CHD7: variants seen among roughly 807,000 people sequenced by gnomAD.
CHD7 encodes the protein chromodomain helicase DNA binding protein 7.
A neutral mutation model predicts 307.3 loss-of-function variants in CHD7; 24 were observed. The observed-to-expected ratio is 0.08, with a 90% CI of 0.06 to 0.11. The LOEUF (loss-of-function observed/expected upper bound fraction) is 0.11, where lower values mean the gene tolerates loss of function less well. Among genes scored for constraint, CHD7 ranks in the 10% least tolerant of loss-of-function variants. CHD7 has a pLI of 1.00. For missense variants in CHD7, 3,106 were observed against 3,727.1 expected (o/e 0.83, Z 4.34); for synonymous variants, 1,363 against 1,349.9 (o/e 1.01, Z -0.21).
At chr8:60,817,849 C>T (rs1446435567) in intron 8 of CHD7, among the ~76,000 whole-genome samples, 1 of 152,160 alleles carries the variant, frequency 6.6e-6, no homozygotes, top group African/African-American at 2.4e-5. Context: ...CTGTGTTCTG[C>T]TGACCTTTTC....
intron 7 of CHD7, chr8:60,808,683 TG>T (rs1812650539): frequency 1.2e-5 from 2 of 161,550 alleles, no homozygotes; most frequent in African/African-American, 4.8e-5. Context: ...TAGAGAACCA[TG>T]ACATCACTCA....
At chr8:60,722,628 A>C (rs1052670034) in intron 1 of CHD7, among the ~76,000 whole-genome samples, 3 of 152,250 alleles carry the variant, frequency 2.0e-5, no homozygotes, top group African/African-American at 7.2e-5. Flanking sequence ...ATCCAGTACA[A>C]GTTAATATAA....
intron 1 of CHD7, among the ~76,000 whole-genome samples, chr8:60,700,251 T>G (rs1180548588): frequency 6.6e-6 from 1 of 152,212 alleles, no homozygotes; most frequent in Non-Finnish European, 1.5e-5. Flanking sequence ...TGCCTTAGGC[T>G]CTTTCTAACC....
chr8:60,681,539 G>A (rs998442606), intron 1 of CHD7, among the ~76,000 whole-genome samples: 3 of 152,170 alleles, frequency 2.0e-5, no homozygotes, highest in Non-Finnish European at 4.4e-5. Flanking sequence ...TATTTTCCCT[G>A]AAAAATCTGT....
chr8:60,742,482 T>G lies in CHD7; in HGVS notation c.1050T>G (p.Ala350=). ...AGTCCGTACCAAGATACCCCAATGC[T>G]GTAGGATTCCCATCAAACAGTGGTC... The part of the protein sequence containing the change: ...MNQSVPRYPN[A]VGFPSNSGQG... The change falls in exon 2 of 38, where the codon GCT becomes GCG. Residue 350 remains alanine (A), a synonymous_variant. Transcript: ENST00000423902. 6.2e-7 allele frequency: 1 copy of G among 1,613,984 alleles called. No homozygotes were observed. Among genetic ancestry groups the G allele is most frequent in the Non-Finnish European group, 8.5e-7 (1 of 1,179,876 alleles).
At chr8:60,736,795 A>T (rs1019953045) in intron 1 of CHD7, among the ~76,000 whole-genome samples, 2 of 152,210 alleles carry the variant, frequency 1.3e-5, no homozygotes, top group Non-Finnish European at 2.9e-5. Context: ...GCTATAGGAG[A>T]TACTTTGCAT....
At chr8:60,806,878 C>T (rs569548541) in intron 6 of CHD7, among the ~76,000 whole-genome samples, 8 of 151,984 alleles carry the variant, frequency 5.3e-5, no homozygotes, top group South Asian at 4.2e-4. Context: ...GATGTGTGCC[C>T]GTAGTCCCAG....
intron 2 of CHD7, among the ~76,000 whole-genome samples, chr8:60,760,822 A>G (rs1295595897): frequency 2.6e-5 from 4 of 152,188 alleles, no homozygotes; most frequent in Non-Finnish European, 2.9e-5. Context: ...TAGAATGGCA[A>G]TCATTAAAAA....
chr8:60,861,038 G>T lies in CHD7; in HGVS notation c.7743G>T (p.Val2581=). ...VINLEDGTRL[V]GEDAPKNKDL... Reference sequence around the variant, plus strand: ...ATCTTGAAGATGGGACTAGGCTGGTGGGGGAAGATGCTCCTAAAAATAAGG... The same window carrying T: ...ATCTTGAAGATGGGACTAGGCTGGTTGGGGAAGATGCTCCTAAAAATAAGG... The change falls in exon 35 of 38, where the codon GTG becomes GTT. Residue 2581 remains valine (V), a synonymous_variant. Coordinates refer to ENST00000423902, the MANE Select transcript of CHD7 (RefSeq NM_017780.4). 4 of 1,613,972 alleles carry T rather than the reference G, an allele frequency of 2.5e-6. No homozygotes were observed. Among genetic ancestry groups the T allele is most frequent in the Non-Finnish European group, 1.7e-6 (2 of 1,179,882 alleles).
chr8:60,759,270 G>A (rs1372403455), intron 2 of CHD7, among the ~76,000 whole-genome samples: 1 of 152,220 alleles, frequency 6.6e-6, no homozygotes, highest in Non-Finnish European at 1.5e-5. Flanking sequence ...GCCAGGTCAT[G>A]TCTTGAGCAG....
At chr8:60,709,045 C>A (rs1166294343) in intron 1 of CHD7, among the ~76,000 whole-genome samples, 4 of 152,134 alleles carry the variant, frequency 2.6e-5, no homozygotes, top group Non-Finnish European at 5.9e-5. Context: ...GAGGCTCTTT[C>A]CTTTTGCGGA....
At chr8:60,851,134 G>A in intron 27 of CHD7, 30 bp downstream of exon 27, 3 of 1,523,276 alleles carry the variant, frequency 2.0e-6, no homozygotes, top group Non-Finnish European at 2.7e-6. Flanking sequence ...GGCTTTTATA[G>A]CTCCATTAAA....
At chr8:60,778,171 C>T (rs571132343) in intron 2 of CHD7, among the ~76,000 whole-genome samples, 3 of 152,072 alleles carry the variant, frequency 2.0e-5, no homozygotes, top group Admixed American at 2.0e-4. Context: ...GGTTTTTTTC[C>T]CCACATGATT....
chr8:60,788,498 C>T (rs4237036), intron 3 of CHD7, among the ~76,000 whole-genome samples: 80,289 of 152,114 alleles, frequency 0.53, 25,592 homozygotes, highest in East Asian at 0.79. Flanking sequence ...TGAACTTGAA[C>T]ATTTATTGTC....
In CHD7 at chr8:60,822,584, A is replaced by C; in HGVS notation, c.3039A>C (p.Lys1013Asn). The change falls in exon 12 of 38, where the codon AAA (lysine) becomes AAC (asparagine). Residue 1013 changes from lysine (K) to asparagine (N), a missense_variant. Around this residue, in one of 10 missense-constraint regions of CHD7, gnomAD observed 188 missense variants for 261.7 expected, o/e 0.72. Transcript: ENST00000423902. Reference sequence around the variant, plus strand: ...CATTTCTCTATGAGATATATTTGAAAGGAATCCATGGCCCTTTTTTAGTAA... The same window carrying C: ...CATTTCTCTATGAGATATATTTGAACGGAATCCATGGCCCTTTTTTAGTAA... ...SITFLYEIYL[K>N]GIHGPFLVIA... 1 of 1,613,906 alleles carries C rather than the reference A, an allele frequency of 6.2e-7. No homozygotes were observed. Among genetic ancestry groups the C allele is most frequent in the Admixed American group, 1.7e-5 (1 of 60,030 alleles).
intron 11 of CHD7, 103 bp downstream of exon 11, chr8:60,822,248 G>T (rs1018835201): frequency 4.5e-5 from 47 of 1,040,010 alleles, no homozygotes; most frequent in Non-Finnish European, 6.0e-5. Context: ...ACTCTAATAA[G>T]AGCTTTTTCA....
In CHD7 at chr8:60,795,099, C is replaced by T. The variant is rs899004166; in HGVS notation, c.2210C>T (p.Pro737Leu). Residue 737 changes from proline (P) to leucine (L), a missense_variant, in exon 4 of 38, where the codon CCT (proline) becomes CTT (leucine). Physicochemically the swap from Pro to Leu is moderately conservative, Grantham distance 98 (BLOSUM62 -3). This residue lies in a region of CHD7 where 998 missense variants were observed against 1,004.5 expected (regional missense o/e 0.99). Transcript: ENST00000423902. ...LDKTPPPSPP[P>L]EEDEDPGVQK... ...AAAACACCCCCACCATCTCCTCCTC[C>T]TGAAGAAGATGAGGACCCAGGTGTT... 6.2e-7 allele frequency: 1 copy of T among 1,613,604 alleles called. No individual in the cohort carries two copies. Among genetic ancestry groups the T allele is most frequent in the African/African-American group, 1.3e-5 (1 of 74,908 alleles).
intron 4 of CHD7, among the ~76,000 whole-genome samples, chr8:60,799,943 A>T (rs1812214687): frequency 1.3e-5 from 2 of 152,184 alleles, no homozygotes; most frequent in South Asian, 4.1e-4. Flanking sequence ...ATCTTTTCAC[A>T]TCATATATAG....
chr8:60,816,369 A>G lies in CHD7; in HGVS notation c.2499-18A>G, dbSNP rs1404555857. On this transcript the variant is annotated intron_variant, in intron 7 of 37. Coordinates refer to ENST00000423902, the MANE Select transcript of CHD7 (RefSeq NM_017780.4). ...ATTATATTCTACATATTTCAAGGAT[A>G]TTGTTTTGTTCTTTCAGCTCTTATC... 7.8e-7 allele frequency: 1 copy of G among 1,280,408 alleles called. No homozygotes were observed. The highest frequency in any genetic ancestry group is 1.1e-6 in the Non-Finnish European group (1 of 892,000). 79.3% of individuals were successfully genotyped at this position (1,280,408 alleles called of 1,614,324 possible).
Sources: allele counts gnomAD v4.1 joint callset (sites outside exome capture counted in the v4.1 genomes callset), GRCh38; gene constraint gnomAD v4.1.1; regional missense constraint gnomAD v4.1.1; transcripts MANE v1.5; gene names NCBI Gene and HGNC (gene_info 2026-07-23, HGNC 2026-07-21).